The following CPNE4 variants were observed in gnomAD, a reference collection of about 807,000 sequenced individuals.
CPNE4 encodes the protein copine-4.
A neutral mutation model predicts 67.9 loss-of-function variants in CPNE4; 25 were observed. That is an observed-to-expected ratio of 0.37 (90% CI 0.27 to 0.51). CPNE4 has a LOEUF of 0.51. Among genes scored for constraint, CPNE4 ranks in the 20% least tolerant of loss-of-function variants. CPNE4 has a pLI of 0.93. For missense variants in CPNE4, 464 were observed against 690.8 expected, an observed-to-expected ratio of 0.67 and a Z score of 3.68; for synonymous variants, 242 against 244.9, an observed-to-expected ratio of 0.99 and a Z score of 0.11.
At chr3:131,805,506 G>A (rs979340172) in intron 2 of CPNE4, among the ~76,000 whole-genome samples, 1 of 152,176 alleles carries the variant, frequency 6.6e-6, no homozygotes, top group African/African-American at 2.4e-5. Context: ...ATCTCATACA[G>A]TCTGGGTATT....
intron 2 of CPNE4, among the ~76,000 whole-genome samples, chr3:131,801,350 TGTACC>T (rs1560343261): frequency 1.0e-5 from 1 of 100,030 alleles, no homozygotes; most frequent in Non-Finnish European, 2.2e-5. Flanking sequence ...TATATATATA[TGTACC>T]ATATATATAT....
At chr3:131,752,819 A>G (rs1438781784) in intron 2 of CPNE4, among the ~76,000 whole-genome samples, 2 of 152,106 alleles carry the variant, frequency 1.3e-5, no homozygotes, top group Admixed American at 6.6e-5. Context: ...TGATATGACA[A>G]TTTCTCCAAA....
At chr3:131,676,500 A>T (rs538419996) in intron 6 of CPNE4, among the ~76,000 whole-genome samples, 57 of 152,254 alleles carry the variant, frequency 3.7e-4, no homozygotes, top group African/African-American at 1.3e-3. Flanking sequence ...CCTAGTATCC[A>T]ATAGTTATTT....
intron 2 of CPNE4, among the ~76,000 whole-genome samples, chr3:131,830,788 T>C (rs2085338620): frequency 6.6e-6 from 1 of 152,156 alleles, no homozygotes; most frequent in Non-Finnish European, 1.5e-5. Flanking sequence ...CACTGATACA[T>C]CCCAGGTGTC....
intron 1 of CPNE4, among the ~76,000 whole-genome samples, chr3:132,022,011 G>A (rs1333599932): frequency 6.6e-6 from 1 of 152,194 alleles, no homozygotes; most frequent in Non-Finnish European, 1.5e-5. Context: ...ATTCCCATAG[G>A]ATTAGGCAGG....
At chr3:132,002,310 C>A (rs928623040) in intron 1 of CPNE4, among the ~76,000 whole-genome samples, 2 of 152,128 alleles carry the variant, frequency 1.3e-5, no homozygotes, top group Non-Finnish European at 2.9e-5. Flanking sequence ...GAAGAAAAGG[C>A]CAGTGACAGG....
At chr3:131,676,176 C>T (rs2107665237) in intron 6 of CPNE4, among the ~76,000 whole-genome samples, 1 of 151,640 alleles carries the variant, frequency 6.6e-6, no homozygotes, top group Middle Eastern at 3.4e-3. Flanking sequence ...CTCCTTCAGC[C>T]TCCTTCCTAG....
At chr3:131,536,790 G>T (rs1419710250) in intron 15 of CPNE4, among the ~76,000 whole-genome samples, 1 of 152,176 alleles carries the variant, frequency 6.6e-6, no homozygotes, top group Non-Finnish European at 1.5e-5. Flanking sequence ...GCTCAGGGTT[G>T]TGTGTTAGAC....
chr3:131,775,112 C>A (rs1166561637), intron 2 of CPNE4, among the ~76,000 whole-genome samples: 1 of 152,120 alleles, frequency 6.6e-6, no homozygotes, highest in Non-Finnish European at 1.5e-5. Flanking sequence ...CAATCAGCTT[C>A]TTTCTATTCT....
chr3:131,762,099 A>G (rs2082903591), intron 2 of CPNE4, among the ~76,000 whole-genome samples: 1 of 151,954 alleles, frequency 6.6e-6, no homozygotes, highest in African/African-American at 2.4e-5. Context: ...AAGGAAACAC[A>G]TTTTTAAGAT....
chr3:131,723,767 C>A (rs2100075503), intron 2 of CPNE4, 142 bp from the exon 3 acceptor site: 6 of 654,712 alleles, frequency 9.2e-6, no homozygotes, highest in Non-Finnish European at 1.6e-5. Flanking sequence ...TCCAAAAGTA[C>A]AAAGTACAGG....
chr3:131,785,072 A>G (rs139263579), intron 2 of CPNE4, among the ~76,000 whole-genome samples: 1 of 152,208 alleles, frequency 6.6e-6, no homozygotes, highest in African/African-American at 2.4e-5. Context: ...ATTAAGACCT[A>G]ACTCAGAGGC....
In CPNE4 at chr3:131,672,006, CTA is replaced by C. The variant is rs1329768100; in HGVS notation, c.592-2244_592-2243del. On this transcript the variant is annotated intron_variant, in intron 6 of 15. Transcript: ENST00000429747. The stretch of plus-strand genomic sequence containing the variant: ...CCTCTGCTGTCCATCATTGTATTTT[CTA>C]TCTCCATGAGTTCAGTTGTTTTTAT... Among the ~76,000 whole-genome samples, 5 of 152,186 alleles carry C rather than the reference CTA, an allele frequency of 3.3e-5. No individual in the cohort carries two copies. The East Asian group carries it at 9.7e-4, about 29-fold the overall frequency.
chr3:131,931,271 A>G (rs2071052366), intron 1 of CPNE4, among the ~76,000 whole-genome samples: 1 of 152,184 alleles, frequency 6.6e-6, no homozygotes, highest in Non-Finnish European at 1.5e-5. Flanking sequence ...GTTTCAAGAC[A>G]GGAAATGAAA....
chr3:131,539,062 G>A (rs1935334188), intron 15 of CPNE4: 1 of 152,184 alleles, frequency 6.6e-6, no homozygotes. Context: ...CAATTCATGA[G>A]TTAATGGCTT....
At chr3:131,976,771 TAA>T (rs1435305377) in intron 1 of CPNE4, among the ~76,000 whole-genome samples, 1 of 152,052 alleles carries the variant, frequency 6.6e-6, no homozygotes, top group Non-Finnish European at 1.5e-5. Context: ...AAAAAATTAA[TAA>T]GTGATAAAGG....
intron 2 of CPNE4, among the ~76,000 whole-genome samples, chr3:131,737,141 T>TTTTTTTTTC (rs1491475059): frequency 9.4e-6 from 1 of 106,084 alleles, no homozygotes; most frequent in African/African-American, 3.6e-5. Context: ...TTTTTTTTTT[T>TTTTTTTTTC]GAGAGGGAGT....
At chr3:131,802,854 G>A (rs958340559) in intron 2 of CPNE4, among the ~76,000 whole-genome samples, 4 of 152,162 alleles carry the variant, frequency 2.6e-5, no homozygotes, top group Non-Finnish European at 4.4e-5. Context: ...GAGGGACCAG[G>A]TCATGATAAA....
At chr3:131,917,834 CA>C (rs1407536782) in intron 1 of CPNE4, among the ~76,000 whole-genome samples, 6 of 152,250 alleles carry the variant, frequency 3.9e-5, no homozygotes, top group Middle Eastern at 3.4e-3. Flanking sequence ...GGAAATCTGG[CA>C]GATGCCTTGT....
Sources: gnomAD v4.1 joint callset for allele counts (sites outside exome capture counted in the v4.1 genomes callset) on GRCh38, gnomAD v4.1.1 for gene constraint, MANE v1.5 for transcripts, NCBI Gene and HGNC (gene_info 2026-07-23, HGNC 2026-07-21) for gene names.